The following PIKFYVE variants were observed in gnomAD, a reference collection of about 807,000 sequenced individuals.
PIKFYVE encodes 1-phosphatidylinositol 3-phosphate 5-kinase.
A neutral mutation model predicts 257.9 loss-of-function variants in PIKFYVE; 122 were observed. The ratio of observed to expected loss-of-function variants is 0.47; its 90% CI spans 0.41 to 0.55. The LOEUF (loss-of-function observed/expected upper bound fraction) is 0.55. Among genes scored for constraint, PIKFYVE ranks in the 20% least tolerant of loss-of-function variants. The pLI, the probability that PIKFYVE is intolerant of heterozygous loss-of-function variation, is 0.00. For missense variants in PIKFYVE, 2,160 were observed against 2,536.6 expected, an observed-to-expected ratio of 0.85 and a Z score of 3.19; for synonymous variants, 892 against 868.9, an observed-to-expected ratio of 1.03 and a Z score of -0.47.
chr2:208,345,379 C>T (rs1699134911), intron 33 of PIKFYVE, among the ~76,000 whole-genome samples, 185 bp downstream of exon 33: 1 of 151,950 alleles, frequency 6.6e-6, no homozygotes, highest in African/African-American at 2.4e-5. Context: ...CTTAAACAGT[C>T]CCTCAGGATG....
intron 7 of PIKFYVE, among the ~76,000 whole-genome samples, chr2:208,294,719 G>T (rs906335777): frequency 6.6e-6 from 1 of 152,178 alleles, no homozygotes; most frequent in Non-Finnish European, 1.5e-5. Context: ...AAGGCTAGAA[G>T]GGGCTGTGGT....
At chr2:208,333,958 A>T (rs1347716788) in intron 24 of PIKFYVE, among the ~76,000 whole-genome samples, 1 of 152,116 alleles carries the variant, frequency 6.6e-6, no homozygotes, top group Non-Finnish European at 1.5e-5. Context: ...CTAACTCTTA[A>T]CCATTGTTTT....
intron 1 of PIKFYVE, chr2:208,270,069 G>A (rs143048029): frequency 0.032 from 4,916 of 152,418 alleles, 289 homozygotes; most frequent in African/African-American, 0.12. Context: ...TGTGGATGGA[G>A]TTTTGCTCTT....
chr2:208,302,350 G>T lies in PIKFYVE; in HGVS notation c.1317G>T (p.Leu439=). ...FRDEYALYRP[L]QSTEFSETPS... ...ATGAGTATGCGCTGTATAGACCACT[G>T]CAGGTACTTTTCAGTGTTTACTGCC... The change falls in exon 10 of 42, where the codon CTG becomes CTT. Residue 439 remains leucine, a synonymous_variant. Coordinates refer to ENST00000264380, the MANE Select transcript of PIKFYVE (RefSeq NM_015040.4). The T allele has an allele frequency of 6.2e-7, 1 of 1,613,026 alleles. No homozygotes were observed. The highest frequency in any genetic ancestry group is 1.1e-5 in the South Asian group (1 of 91,054).
At chr2:208,296,694 AAAG>A (rs1693033161) in intron 7 of PIKFYVE, among the ~76,000 whole-genome samples, 1 of 152,180 alleles carries the variant, frequency 6.6e-6, no homozygotes, top group South Asian at 2.1e-4. Flanking sequence ...AGAAACCAGA[AAAG>A]GAGACGGGGA....
chr2:208,289,053 C>T (rs143336647), intron 7 of PIKFYVE, among the ~76,000 whole-genome samples: 4 of 152,290 alleles, frequency 2.6e-5, no homozygotes, highest in Non-Finnish European at 4.4e-5. Flanking sequence ...CCTTTCTCTT[C>T]TGGTTAAATA....
intron 7 of PIKFYVE, among the ~76,000 whole-genome samples, 157 bp from the exon 8 acceptor site, chr2:208,298,484 T>C (rs1693268951): frequency 6.6e-6 from 1 of 152,200 alleles, no homozygotes; most frequent in South Asian, 2.1e-4. Flanking sequence ...ACCAAATTTC[T>C]CCCAATGATA....
rs77757705 is a variant in PIKFYVE, at chr2:208,333,340, A to T, written c.3989A>T (p.Asn1330Ile). Residue 1330 changes from asparagine to isoleucine, a missense_variant, in exon 24 of 42, where the codon AAT (asparagine) becomes ATT (isoleucine). By Grantham distance (149) the Asn-to-Ile change is moderately radical. This residue lies in a region of PIKFYVE where 699 missense variants were observed against 855.8 expected (regional missense o/e 0.82). Transcript: ENST00000264380. ...GTAACACCAGTTGTTGCTCTTTCCA[A>T]TGAGTCCTGGTCTATGTCATTTGCA... Reference protein sequence around the residue: ...KQVTPVVALSNESWSMSFAKY... With the variant: ...KQVTPVVALSIESWSMSFAKY... 3 of 1,614,062 alleles carry T rather than the reference A, an allele frequency of 1.9e-6. No homozygotes were observed. In the African/African-American group the frequency reaches 4.0e-5, roughly 22 times the overall value.
chr2:208,298,625 T>G lies in PIKFYVE; in HGVS notation c.912-16T>G, dbSNP rs760595883. 6.2e-7 allele frequency: 1 copy of G among 1,613,872 alleles called. No individual in the cohort carries two copies. The highest frequency in any genetic ancestry group is 8.5e-7 in the Non-Finnish European group (1 of 1,179,840). ...GAATTTACACCTGTGATTTCACTTC[T>G]TGTTTTTATTTCCAGATCAGCCAGC... On this transcript the variant is annotated splice_polypyrimidine_tract_variant and intron_variant, in intron 7 of 41. Transcript: ENST00000264380.
chr2:208,346,188 C>T, intron 34 of PIKFYVE, 41 bp downstream of exon 34: 1 of 1,469,106 alleles, frequency 6.8e-7, no homozygotes, highest in Non-Finnish European at 9.5e-7. Flanking sequence ...TTAGATTTAC[C>T]TATAATTATG....
At chr2:208,277,295 T>A (rs553042836) in intron 4 of PIKFYVE, among the ~76,000 whole-genome samples, 1 of 152,216 alleles carries the variant, frequency 6.6e-6, no homozygotes, top group African/African-American at 2.4e-5. Context: ...TTTTCTATCC[T>A]TGTACCAGTA....
At chr2:208,276,926 T>A in intron 4 of PIKFYVE, 96 bp downstream of exon 4, 1 of 943,668 alleles carries the variant, frequency 1.1e-6, no homozygotes, top group Non-Finnish European at 1.7e-6. Flanking sequence ...AAAGAAAGCT[T>A]AATTAGCGCT....
At chr2:208,288,253 A>C (rs778876802) in intron 6 of PIKFYVE, among the ~76,000 whole-genome samples, 25 of 152,146 alleles carry the variant, frequency 1.6e-4, no homozygotes, top group Non-Finnish European at 3.1e-4. Flanking sequence ...TCCTTTTGAC[A>C]GATGTGGATG....
intron 13 of PIKFYVE, among the ~76,000 whole-genome samples, chr2:208,313,260 A>T (rs1695123785): frequency 6.6e-6 from 1 of 152,114 alleles, no homozygotes; most frequent in South Asian, 2.1e-4. Flanking sequence ...TTAAGCATTT[A>T]TTATTTATTT....
intron 22 of PIKFYVE, 150 bp downstream of exon 22, chr2:208,330,063 A>G (rs531943551): frequency 1.7e-6 from 2 of 1,170,126 alleles, no homozygotes; most frequent in South Asian, 3.1e-5. Flanking sequence ...CAAAGAAGTA[A>G]TAATCTATTT....
intron 5 of PIKFYVE, among the ~76,000 whole-genome samples, chr2:208,282,941 T>C (rs1691021419): frequency 6.6e-6 from 1 of 152,140 alleles, no homozygotes; most frequent in Admixed American, 6.6e-5. Flanking sequence ...CAGTTCACCA[T>C]AGGGTTCACG....
intron 7 of PIKFYVE, among the ~76,000 whole-genome samples, chr2:208,290,177 T>C (rs1280660037): frequency 6.6e-6 from 1 of 152,210 alleles, no homozygotes; most frequent in Admixed American, 6.5e-5. Flanking sequence ...GTGTTGAATA[T>C]TCTATGGATT....
At chr2:208,340,258 A>G (rs774500461) in intron 31 of PIKFYVE, 127 bp downstream of exon 31, 3 of 1,245,676 alleles carry the variant, frequency 2.4e-6, no homozygotes, top group Non-Finnish European at 3.4e-6. Context: ...ATTTTAGTAA[A>G]AGAGATGTCT....
chr2:208,350,865 A>G lies in PIKFYVE; in HGVS notation c.5529A>G (p.Glu1843=), dbSNP rs749407455. The G allele has an allele frequency of 1.9e-6, 3 of 1,614,180 alleles. No homozygotes were observed. Among genetic ancestry groups the G allele is most frequent in the Middle Eastern group, 1.7e-4 (1 of 6,054 alleles). ...AAGTGATTCTGGACAGCAGTGAAGA[A>G]GATTTCATTCGTTCCCTCTCCCACT... ...MREVILDSSE[E]DFIRSLSHSS... Residue 1843 remains glutamate, a synonymous_variant, in exon 37 of 42, where the codon GAA becomes GAG. Transcript: ENST00000264380.
Sources: allele counts gnomAD v4.1 joint callset (sites outside exome capture counted in the v4.1 genomes callset), GRCh38; gene constraint gnomAD v4.1.1; regional missense constraint gnomAD v4.1.1; transcripts MANE v1.5; gene names NCBI Gene and HGNC (gene_info 2026-07-23, HGNC 2026-07-21).